Variants in SPECC1 observed in about 807,000 individuals in gnomAD.
SPECC1 encodes cytospin-B.
SPECC1 carries 62 observed loss-of-function variants against 104.1 expected under a neutral mutation model. The observed-to-expected ratio is 0.60, with a 90% CI of 0.49 to 0.74. SPECC1 has a LOEUF of 0.74. Among genes scored for constraint, SPECC1 ranks in the 30% least tolerant of loss-of-function variants. The pLI is 0.00. For synonymous variants in SPECC1, 513 were observed against 501.6 expected, an observed-to-expected ratio of 1.02 and a Z score of -0.30; for missense variants, 1,306 against 1,310.5, an observed-to-expected ratio of 1.00 and a Z score of 0.05.
At chr17:20,018,500 C>G (rs1039400473) in intron 1 of SPECC1, among the ~76,000 whole-genome samples, 5 of 152,236 alleles carry the variant, frequency 3.3e-5, no homozygotes, top group African/African-American at 1.2e-4. Context: ...AACTGGTCCT[C>G]CTGCCTCGGC....
intron 2 of SPECC1, among the ~76,000 whole-genome samples, chr17:20,098,152 C>A (rs1287620722): frequency 1.3e-5 from 2 of 152,144 alleles, no homozygotes; most frequent in Non-Finnish European, 2.9e-5. Flanking sequence ...ATGTCCAAAA[C>A]CGAATCTCAA....
At chr17:20,243,571 G>C (rs756455562) in intron 7 of SPECC1, among the ~76,000 whole-genome samples, 2 of 151,920 alleles carry the variant, frequency 1.3e-5, no homozygotes, top group African/African-American at 4.8e-5. Context: ...GAGACACACA[G>C]ACACACACAC....
At chr17:20,233,262 G>T (rs2151484653) in intron 7 of SPECC1, among the ~76,000 whole-genome samples, 1 of 152,328 alleles carries the variant, frequency 6.6e-6, no homozygotes, top group Non-Finnish European at 1.5e-5. Flanking sequence ...GGTTTTGAAT[G>T]TTGATCAGGT....
chr17:20,269,270 T>C (rs2040319585), intron 12 of SPECC1, among the ~76,000 whole-genome samples: 1 of 152,206 alleles, frequency 6.6e-6, no homozygotes, highest in Non-Finnish European at 1.5e-5. Context: ...GGGTTCCCAT[T>C]GTTTCCAGAA....
At chr17:20,027,648 AT>A (rs1288564117) in intron 1 of SPECC1, among the ~76,000 whole-genome samples, 1 of 152,132 alleles carries the variant, frequency 6.6e-6, no homozygotes, top group Non-Finnish European at 1.5e-5. Context: ...GCATATCGAT[AT>A]CCAGTTTTCC....
intron 1 of SPECC1, among the ~76,000 whole-genome samples, chr17:20,037,209 T>A (rs1054865538): frequency 6.6e-6 from 1 of 152,176 alleles, no homozygotes; most frequent in Non-Finnish European, 1.5e-5. Flanking sequence ...TGCTAATATT[T>A]TGTTAAGGAG....
chr17:20,295,736 A>T (rs570731818), intron 12 of SPECC1, among the ~76,000 whole-genome samples: 61 of 152,238 alleles, frequency 4.0e-4, no homozygotes, highest in Non-Finnish European at 7.6e-4. Context: ...ATGGTATCTC[A>T]TTGAGGTTTT....
chr17:20,269,659 C>T (rs2040333039), intron 12 of SPECC1, among the ~76,000 whole-genome samples: 1 of 152,214 alleles, frequency 6.6e-6, no homozygotes, highest in Non-Finnish European at 1.5e-5. Flanking sequence ...CAGGTGTGAG[C>T]CCCTGCACCC....
chr17:20,094,371 TTTG>T (rs1344751524), intron 1 of SPECC1, among the ~76,000 whole-genome samples: 1 of 152,146 alleles, frequency 6.6e-6, no homozygotes, highest in East Asian at 1.9e-4. Flanking sequence ...GATCGACGCA[TTTG>T]TTGCCAGAGA....
At chr17:20,018,511 C>G (rs1009170516) in intron 1 of SPECC1, among the ~76,000 whole-genome samples, 6 of 152,208 alleles carry the variant, frequency 3.9e-5, no homozygotes, top group Non-Finnish European at 8.8e-5. Context: ...CTGCCTCGGC[C>G]TCCCAAAGCG....
chr17:20,066,023 T>C lies in SPECC1; in HGVS notation c.-21-30608T>C, dbSNP rs545548229. ...ATCTATATCTGTATCTATATCTATC[T>C]ATCAGTCAATCATAACAACATACCA... On this transcript the variant is annotated intron_variant, in intron 1 of 14. Coordinates refer to ENST00000395527, the MANE Select transcript of SPECC1 (RefSeq NM_001243439.2). 2.6e-5 allele frequency among the ~76,000 whole-genome samples: 4 copies of C among 152,346 alleles called. No homozygotes were observed. The South Asian group carries it at 6.2e-4, about 24-fold the overall frequency.
chr17:20,305,445 A>G (rs1159815884), intron 13 of SPECC1, among the ~76,000 whole-genome samples: 3 of 152,188 alleles, frequency 2.0e-5, no homozygotes, highest in Non-Finnish European at 4.4e-5. Context: ...TAGTGTAAGG[A>G]GGAGGCAGAT....
intron 12 of SPECC1, among the ~76,000 whole-genome samples, chr17:20,261,292 G>C (rs541426477): frequency 3.9e-5 from 6 of 152,138 alleles, no homozygotes; most frequent in South Asian, 2.1e-4. Flanking sequence ...CACGAGGTCA[G>C]GAGATCGAGA....
At chr17:20,300,808 C>T (rs1286232436) in intron 13 of SPECC1, among the ~76,000 whole-genome samples, 2 of 152,202 alleles carry the variant, frequency 1.3e-5, no homozygotes, top group East Asian at 1.9e-4. Context: ...ACCAATCACC[C>T]GACCACCAGG....
chr17:20,259,248 T>C (rs1050251647), intron 11 of SPECC1, among the ~76,000 whole-genome samples: 1 of 152,236 alleles, frequency 6.6e-6, no homozygotes, highest in Non-Finnish European at 1.5e-5. Context: ...GTCCTGTTTA[T>C]GTGCAAGAGA....
chr17:20,187,078 C>T (rs1035319742), intron 3 of SPECC1, among the ~76,000 whole-genome samples: 1 of 151,906 alleles, frequency 6.6e-6, no homozygotes, highest in Non-Finnish European at 1.5e-5. Flanking sequence ...TTGCATTATA[C>T]TTAGCAATTG....
At chr17:20,254,591 A>G (rs1463712942) in intron 10 of SPECC1, among the ~76,000 whole-genome samples, 4 of 152,142 alleles carry the variant, frequency 2.6e-5, no homozygotes, top group Admixed American at 6.5e-5. Flanking sequence ...GCTCAAGCCT[A>G]GTGGGAAGTT....
intron 3 of SPECC1, chr17:20,156,004 G>A (rs1172544116): frequency 1.6e-6 from 2 of 1,285,658 alleles, no homozygotes; most frequent in Non-Finnish European, 2.0e-6. Context: ...AGATGAGGGG[G>A]CGGGGCCCAC....
intron 1 of SPECC1, among the ~76,000 whole-genome samples, chr17:20,044,017 A>G (rs956436204): frequency 1.3e-5 from 2 of 152,112 alleles, no homozygotes; most frequent in Non-Finnish European, 2.9e-5. Context: ...TCTGGAACAG[A>G]GGAGGATTTA....
Sources: allele counts gnomAD v4.1 joint callset (sites outside exome capture counted in the v4.1 genomes callset), GRCh38; gene constraint gnomAD v4.1.1; transcripts MANE v1.5; gene names NCBI Gene and HGNC (gene_info 2026-07-23, HGNC 2026-07-21).